Variants in CSMD3 observed in about 807,000 individuals in gnomAD.
CSMD3 encodes CUB and Sushi multiple domains 3.
A neutral mutation model predicts 435.2 loss-of-function variants in CSMD3; 177 were observed. That is an observed-to-expected ratio of 0.41 (90% CI 0.36 to 0.46). The LOEUF (loss-of-function observed/expected upper bound fraction) is 0.46, where lower values mean the gene tolerates loss of function less well. Ranked by LOEUF, CSMD3 falls within the 20% of genes least tolerant of loss-of-function variation. CSMD3 has a pLI of 0.34. For missense variants in CSMD3, 4,265 were observed against 4,504.6 expected (o/e 0.95, Z 1.52); for synonymous variants, 1,656 against 1,520.5 (o/e 1.09, Z -2.07).
At chr8:112,778,441 A>G (rs2078298669) in intron 13 of CSMD3, among the ~76,000 whole-genome samples, 1 of 151,908 alleles carries the variant, frequency 6.6e-6, no homozygotes, top group South Asian at 2.1e-4. Flanking sequence ...CCAGAACATC[A>G]TATAGTTGAA....
intron 13 of CSMD3, among the ~76,000 whole-genome samples, chr8:112,728,317 G>C (rs1469522652): frequency 6.6e-6 from 1 of 151,810 alleles, no homozygotes; most frequent in Admixed American, 6.6e-5. Context: ...ATATGAGTTA[G>C]ATGTAATTTA....
intron 40 of CSMD3, among the ~76,000 whole-genome samples, chr8:112,349,370 A>C (rs898207171): frequency 6.6e-6 from 1 of 152,086 alleles, no homozygotes; most frequent in Non-Finnish European, 1.5e-5. Context: ...ATTACTATAT[A>C]TATATAGTAT....
At chr8:112,834,174 T>C (rs1334601622) in intron 11 of CSMD3, among the ~76,000 whole-genome samples, 4 of 152,080 alleles carry the variant, frequency 2.6e-5, no homozygotes, top group Non-Finnish European at 5.9e-5. Context: ...AAGTGATGAA[T>C]TAATTACTAA....
chr8:112,545,200 C>T (rs796477339), intron 27 of CSMD3, among the ~76,000 whole-genome samples: 4 of 152,194 alleles, frequency 2.6e-5, no homozygotes, highest in African/African-American at 9.6e-5. Flanking sequence ...AATGCTCCTC[C>T]TGGCCAGGCA....
rs111723232 is a variant in CSMD3 at position 113,376,862 on chromosome 8, G to A, written c.178+59815C>T. On this transcript the variant is annotated intron_variant, in intron 1 of 70. Transcript: ENST00000297405. Reference sequence around the variant, plus strand: ...AACCGGCCACCTCTGCCCCTTTCCCGGATGATCTGGAAGATGAAGCTTCCT... The same window carrying A: ...AACCGGCCACCTCTGCCCCTTTCCCAGATGATCTGGAAGATGAAGCTTCCT... 61 of 1,611,078 alleles carry A rather than the reference G, an allele frequency of 3.8e-5. No homozygotes were observed. The African/African-American group carries it at 6.3e-4, about 17-fold the overall frequency.
At chr8:113,007,348 A>G (rs1340491548) in intron 6 of CSMD3, among the ~76,000 whole-genome samples, 1 of 151,994 alleles carries the variant, frequency 6.6e-6, no homozygotes, top group African/African-American at 2.4e-5. Flanking sequence ...AAGAGGTAAT[A>G]AAGTTTAACA....
intron 12 of CSMD3, among the ~76,000 whole-genome samples, chr8:112,820,786 T>C (rs1241172797): frequency 1.3e-5 from 2 of 152,096 alleles, no homozygotes; most frequent in Non-Finnish European, 2.9e-5. Flanking sequence ...TTTAGCTATT[T>C]GTCCTAATGC....
chr8:112,429,101 C>G (rs907838768), intron 32 of CSMD3, among the ~76,000 whole-genome samples: 1 of 152,068 alleles, frequency 6.6e-6, no homozygotes, highest in Non-Finnish European at 1.5e-5. Flanking sequence ...ATATCTTTAA[C>G]TATAGTCACC....
At chr8:112,953,420 T>C (rs1236395145) in intron 8 of CSMD3, among the ~76,000 whole-genome samples, 1 of 151,428 alleles carries the variant, frequency 6.6e-6, no homozygotes, top group Non-Finnish European at 1.5e-5. Context: ...ACTAACAGTA[T>C]CAATCTTGAA....
intron 3 of CSMD3, among the ~76,000 whole-genome samples, chr8:113,215,539 G>C (rs1185132559): frequency 6.6e-6 from 1 of 151,788 alleles, no homozygotes; most frequent in Non-Finnish European, 1.5e-5. Context: ...TTCAACCAAA[G>C]GTAAAATAAT....
intron 22 of CSMD3, among the ~76,000 whole-genome samples, chr8:112,613,091 G>C (rs1227712135): frequency 6.6e-6 from 1 of 151,854 alleles, no homozygotes; most frequent in Non-Finnish European, 1.5e-5. Flanking sequence ...AACCTTTAAA[G>C]GAAAGTCTAT....
chr8:113,092,428 T>C (rs2090036550), intron 5 of CSMD3, among the ~76,000 whole-genome samples: 1 of 152,088 alleles, frequency 6.6e-6, no homozygotes, highest in African/African-American at 2.4e-5. Flanking sequence ...TCTAACACCT[T>C]TTCTCCTTTT....
At chr8:113,036,464 T>C (rs1203255274) in intron 5 of CSMD3, among the ~76,000 whole-genome samples, 2 of 152,022 alleles carry the variant, frequency 1.3e-5, no homozygotes, top group African/African-American at 4.8e-5. Context: ...ATGTGTGTCT[T>C]CAATTACCTA....
intron 32 of CSMD3, among the ~76,000 whole-genome samples, chr8:112,453,485 C>A (rs1203252703): frequency 6.6e-6 from 1 of 152,024 alleles, no homozygotes; most frequent in Non-Finnish European, 1.5e-5. Context: ...AAGCTGAGAG[C>A]CAAATCAAGA....
Position 112,645,601 on chromosome 8 carries a change from T to C in CSMD3, c.3194-376A>G, listed in dbSNP as rs927629475. ...TATAAAACTGTTTGATATAGATTCC[T>C]AAAGGGATATGTGTCATTCTTTATA... On this transcript the variant is annotated intron_variant, in intron 19 of 70. Transcript: ENST00000297405. Among the ~76,000 whole-genome samples the C allele has an allele frequency of 2.6e-5, 4 of 152,202 alleles. No individual in the cohort carries two copies. In the East Asian group the frequency reaches 7.7e-4, roughly 29 times the overall value.
chr8:112,585,543 T>G (rs1830660884), intron 23 of CSMD3, among the ~76,000 whole-genome samples: 1 of 151,606 alleles, frequency 6.6e-6, no homozygotes, highest in Non-Finnish European at 1.5e-5. Context: ...AAGTAAGACC[T>G]TTTAGAAAGT....
rs375002667 is a variant in CSMD3 at position 112,247,158 on chromosome 8, A to C, written c.10111-27T>G. ...TATAGCAAATTAAAGAGAGGAAAAA[A>C]ATATTCCCCTACAACTTCAAATATG... On this transcript the variant is annotated intron_variant, in intron 63 of 70. Coordinates refer to ENST00000297405, the MANE Select transcript of CSMD3 (RefSeq NM_198123.2). 2.2e-4 allele frequency: 314 copies of C among 1,410,870 alleles called. 1 individual carries two copies. Among genetic ancestry groups the C allele is most frequent in the Non-Finnish European group, 3.0e-4 (299 of 996,100 alleles). The allele number at this position is 1,410,870 out of a possible 1,614,324, so 87.4% of individuals were successfully genotyped here. A position where few individuals can be genotyped will look rare whatever the true frequency, so the allele number is the denominator to read the frequency against.
intron 31 of CSMD3, among the ~76,000 whole-genome samples, chr8:112,479,831 T>C (rs939526019): frequency 2.0e-5 from 3 of 152,194 alleles, no homozygotes; most frequent in African/African-American, 7.2e-5. Flanking sequence ...AGAGAAACTC[T>C]ACTAGTGCAA....
In CSMD3 at chr8:113,314,576, C is replaced by A. The variant is rs752720560; in HGVS notation, c.396G>T (p.Arg132Ser). 6.3e-7 allele frequency: 1 copy of A among 1,582,748 alleles called. No individual in the cohort carries two copies. The highest frequency in any genetic ancestry group is 8.7e-7 in the Non-Finnish European group (1 of 1,151,640). The change falls in exon 2 of 71, where the codon AGG (arginine) becomes AGT (serine). Residue 132 changes from arginine (R) to serine (S), a missense_variant. By Grantham distance (110) the Arg-to-Ser change is moderately radical. This residue lies in a region of CSMD3 where 731 missense variants were observed against 755.4 expected (regional missense o/e 0.97). Coordinates refer to ENST00000297405, the MANE Select transcript of CSMD3 (RefSeq NM_198123.2). ...YDGHPHPTNF[R>S]TRLTGFHLPP... ...TCCATTCAAAACACACTAACCTTGT[C>A]CTAAAGTTTGTAGGATGAGGATGTC...
Sources: allele counts gnomAD v4.1 joint callset (sites outside exome capture counted in the v4.1 genomes callset), GRCh38; gene constraint gnomAD v4.1.1; regional missense constraint gnomAD v4.1.1; transcripts MANE v1.5; gene names NCBI Gene and HGNC (gene_info 2026-07-23, HGNC 2026-07-21).